ACTR3: variants seen among roughly 807,000 people sequenced by gnomAD.
ACTR3 encodes the protein actin related protein 3, also known as actin-related protein 3.
In ACTR3, 12 loss-of-function variants were observed where a neutral mutation model predicts 56.8. The observed-to-expected ratio is 0.21, with a 90% confidence interval of 0.14 to 0.34. The LOEUF (loss-of-function observed/expected upper bound fraction) is 0.34. Among genes scored for constraint, ACTR3 ranks in the 10% least tolerant of loss-of-function variants. The pLI, the probability that ACTR3 is intolerant of heterozygous loss-of-function variation, is 1.00. For synonymous variants in ACTR3, 162 were observed against 167.4 expected (o/e 0.97, Z 0.25); for missense variants, 282 against 512.5 (o/e 0.55, Z 4.34).
chr2:113,911,573 C>T (rs1156771929), intron 1 of ACTR3, among the ~76,000 whole-genome samples: 1 of 151,936 alleles, frequency 6.6e-6, no homozygotes, highest in Non-Finnish European at 1.5e-5. Flanking sequence ...GCGCCCACCA[C>T]CACACCCTGC....
At chr2:113,947,694 G>A (rs889326384) in intron 8 of ACTR3, among the ~76,000 whole-genome samples, 3 of 152,106 alleles carry the variant, frequency 2.0e-5, no homozygotes, top group Non-Finnish European at 4.4e-5. Flanking sequence ...TAAATAAAAT[G>A]TGTTTCATAT....
chr2:113,940,516 A>G (rs1284922400), intron 7 of ACTR3, among the ~76,000 whole-genome samples: 1 of 152,178 alleles, frequency 6.6e-6, no homozygotes, highest in Non-Finnish European at 1.5e-5. Context: ...ATAGTATAGA[A>G]GCAGTGCTTG....
At chr2:113,890,966 C>A (rs914748963) in intron 1 of ACTR3, among the ~76,000 whole-genome samples, 4 of 152,100 alleles carry the variant, frequency 2.6e-5, no homozygotes, top group African/African-American at 9.7e-5. Flanking sequence ...CATTTTAATT[C>A]GAGGGAGAAA....
intron 8 of ACTR3, among the ~76,000 whole-genome samples, chr2:113,949,265 C>T (rs542067341): frequency 1.1e-4 from 16 of 150,618 alleles, no homozygotes; most frequent in East Asian, 6.0e-4. Context: ...GTAATCCCAG[C>T]TACTCGGGAG....
rs751825274 is a variant in ACTR3 at position 113,962,031 on chromosome 2, GATGA to G, written c.*4585_*4588del. The G allele has an allele frequency of 5.9e-5, 9 of 151,956 alleles. No homozygotes were observed. Among genetic ancestry groups the G allele is most frequent in the Non-Finnish European group, 8.8e-5 (6 of 67,892 alleles). The allele number at this position is 151,956 out of a possible 1,614,324, so 9.4% of individuals were successfully genotyped here. A position where few individuals can be genotyped will look rare whatever the true frequency, so the allele number is the denominator to read the frequency against. On this transcript the variant is annotated 3_prime_UTR_variant, in exon 12 of 12. Transcript: ENST00000263238. ...ATATAGTAGTTTAGTGGATGTGTTTGATGAATGAATGAGTAAAAATTATTTTTCA... is the reference window on the plus strand; with the variant it reads ...ATATAGTAGTTTAGTGGATGTGTTTGATGAATGAGTAAAAATTATTTTTCA...
chr2:113,923,467 TTGGGA>T (rs1679557072), intron 3 of ACTR3, among the ~76,000 whole-genome samples: 1 of 151,798 alleles, frequency 6.6e-6, no homozygotes, highest in Admixed American at 6.6e-5. Flanking sequence ...TCCCAAGTAG[TTGGGA>T]CTACAGGCGC....
intron 2 of ACTR3, among the ~76,000 whole-genome samples, chr2:113,915,186 A>G (rs1679380581): frequency 1.3e-5 from 2 of 152,222 alleles, no homozygotes; most frequent in Admixed American, 1.3e-4. Flanking sequence ...GGGTGGCTGA[A>G]AACAACAAAC....
rs1429707515 is a variant in ACTR3, at chr2:113,958,790, A to G, written c.*1335A>G. On this transcript the variant is annotated 3_prime_UTR_variant, in exon 12 of 12. Transcript: ENST00000263238. ...GTTTTATAGGCTTTTTACTAGCAGT[A>G]TCAGTGAACACTTGAACTCCATTAT... is the stretch of plus-strand genomic sequence containing the variant. 1 of 152,036 alleles carries G rather than the reference A, an allele frequency of 6.6e-6. No individual in the cohort carries two copies. The highest frequency in any genetic ancestry group is 1.9e-4 in the East Asian group (1 of 5,202). 9.4% of individuals were successfully genotyped at this position (152,036 alleles called of 1,614,324 possible).
chr2:113,927,463 A>G lies in ACTR3; in HGVS notation c.336+8A>G, dbSNP rs1447533493. The G allele has an allele frequency of 1.3e-6, 2 of 1,564,094 alleles. No individual in the cohort carries two copies. The highest frequency in any genetic ancestry group is 3.7e-5 in the Admixed American group (2 of 53,420). ...GACCATTATTTTCTTTTGGTAAGTT[A>G]CAAGTTATAATTTCACTGAGGAAAT... On this transcript the variant is annotated splice_region_variant and intron_variant, in intron 4 of 11. Transcript: ENST00000263238.
intron 8 of ACTR3, among the ~76,000 whole-genome samples, chr2:113,945,610 TACACTTTC>T (rs1204816040): frequency 6.6e-6 from 1 of 152,256 alleles, no homozygotes; most frequent in Non-Finnish European, 1.5e-5. Flanking sequence ...CAGCTTTTCC[TACACTTTC>T]ACCTTGTTTA....
At chr2:113,903,800 T>TA (rs1679144741) in intron 1 of ACTR3, among the ~76,000 whole-genome samples, 1 of 150,700 alleles carries the variant, frequency 6.6e-6, no homozygotes, top group Admixed American at 6.6e-5. Context: ...GGCCTGTCAC[T>TA]ATTTCTTTTT....
intron 1 of ACTR3, among the ~76,000 whole-genome samples, chr2:113,898,793 G>A (rs1298222855): frequency 6.6e-6 from 1 of 152,156 alleles, no homozygotes; most frequent in Non-Finnish European, 1.5e-5. Flanking sequence ...TAAATGGGAT[G>A]TGTACCAATC....
chr2:113,909,654 G>A (rs540739609), intron 1 of ACTR3, among the ~76,000 whole-genome samples: 1 of 150,334 alleles, frequency 6.7e-6, no homozygotes, highest in South Asian at 2.1e-4. Flanking sequence ...CAGTGTGAGC[G>A]TAGATAATAT....
At chr2:113,929,215 T>C (rs1296197441) in intron 4 of ACTR3, among the ~76,000 whole-genome samples, 1 of 152,036 alleles carries the variant, frequency 6.6e-6, no homozygotes, top group Non-Finnish European at 1.5e-5. Context: ...CAATCATGGC[T>C]CATTGCAGTG....
At chr2:113,892,056 C>CA (rs1179346964) in intron 1 of ACTR3, among the ~76,000 whole-genome samples, 1 of 151,962 alleles carries the variant, frequency 6.6e-6, no homozygotes, top group Non-Finnish European at 1.5e-5. Flanking sequence ...ACTGCGTTTT[C>CA]AAAAAAATAG....
chr2:113,908,416 ATGGAGGCTAGTTTACATTTGAAAAGCTT>A (rs1179326458), intron 1 of ACTR3, among the ~76,000 whole-genome samples: 1 of 151,882 alleles, frequency 6.6e-6, no homozygotes, highest in Non-Finnish European at 1.5e-5. Context: ...TGGTAGGTTA[ATGGAGGCTAGTTTACATTTGAAAAGCTT>A]TTATTTTGGA....
chr2:113,938,494 G>A (rs1436533350), intron 6 of ACTR3, among the ~76,000 whole-genome samples: 1 of 152,292 alleles, frequency 6.6e-6, no homozygotes, highest in East Asian at 1.9e-4. Flanking sequence ...CCTTTTAAAT[G>A]TTATTAAGCA....
At chr2:113,908,972 T>G (rs531550106) in intron 1 of ACTR3, among the ~76,000 whole-genome samples, 36 of 152,284 alleles carry the variant, frequency 2.4e-4, no homozygotes, top group Non-Finnish European at 5.0e-4. Context: ...CCTCATATTT[T>G]TTAAGAATTG....
chr2:113,921,652 T>TGA (rs898526414), intron 3 of ACTR3, among the ~76,000 whole-genome samples: 11 of 152,158 alleles, frequency 7.2e-5, no homozygotes, highest in Non-Finnish European at 1.2e-4. Flanking sequence ...TTGTATAAGG[T>TGA]GAGAGCTAGA....
Sources: allele counts gnomAD v4.1 joint callset (sites outside exome capture counted in the v4.1 genomes callset), GRCh38; gene constraint gnomAD v4.1.1; transcripts MANE v1.5; gene names NCBI Gene and HGNC (gene_info 2026-07-23, HGNC 2026-07-21).